CEMIP: variants seen among roughly 807,000 people sequenced by gnomAD.
CEMIP encodes the protein cell migration inducing hyaluronidase 1.
CEMIP carries 105 observed loss-of-function variants against 156.9 expected under a neutral mutation model. The observed-to-expected ratio is 0.67, with a 90% CI of 0.57 to 0.79. CEMIP has a LOEUF of 0.79. Among genes scored for constraint, CEMIP ranks in the 30% least tolerant of loss-of-function variants. The probability of loss-of-function intolerance (pLI) is 0.00; values close to 1 mark genes in which losing one functional copy is unlikely to be tolerated. For synonymous variants in CEMIP, 676 were observed against 668.4 expected (o/e 1.01, Z -0.17); for missense variants, 1,457 against 1,769.4 (o/e 0.82, Z 3.17).
chr15:80,875,002 A>G (rs1012602160), intron 3 of CEMIP, among the ~76,000 whole-genome samples: 2 of 137,486 alleles, frequency 1.5e-5, no homozygotes, highest in Admixed American at 1.5e-4. Context: ...TCTGATCCTT[A>G]GGGGACATAG....
At chr15:80,827,734 T>TAC (rs1427837128) in intron 1 of CEMIP, among the ~76,000 whole-genome samples, 2 of 152,188 alleles carry the variant, frequency 1.3e-5, no homozygotes, top group Admixed American at 1.3e-4. Flanking sequence ...AGGATGCATC[T>TAC]ACATACCTGA....
At chr15:80,833,687 T>A (rs1247010527) in intron 1 of CEMIP, among the ~76,000 whole-genome samples, 1 of 138,634 alleles carries the variant, frequency 7.2e-6, no homozygotes, top group Non-Finnish European at 1.6e-5. Context: ...TTTTTTTTTT[T>A]GGACAGAGTC....
intron 25 of CEMIP, among the ~76,000 whole-genome samples, chr15:80,938,852 C>T (rs149427059): frequency 2.0e-5 from 3 of 152,254 alleles, no homozygotes; most frequent in Non-Finnish European, 4.4e-5. Flanking sequence ...ACAGCAACGT[C>T]GATAGCAAAC....
At chr15:80,909,873 T>G (rs1254473248) in intron 14 of CEMIP, 1 of 336,752 alleles carries the variant, frequency 3.0e-6, no homozygotes, top group Non-Finnish European at 5.9e-6. Context: ...TTCTATCCTC[T>G]GTAAAGTTTA....
At chr15:80,874,106 G>A (rs922004413) in intron 3 of CEMIP, 133 bp downstream of exon 3, 25 of 799,198 alleles carry the variant, frequency 3.1e-5, no homozygotes, top group African/African-American at 2.0e-4. Context: ...GCCTTGGCCC[G>A]ACCTTACTAA....
intron 1 of CEMIP, among the ~76,000 whole-genome samples, chr15:80,840,605 C>T (rs548760944): frequency 6.6e-6 from 1 of 152,318 alleles, no homozygotes; most frequent in African/African-American, 2.4e-5. Flanking sequence ...AGTAAACAGG[C>T]CCGTGCAGGG....
chr15:80,890,505 C>T lies in CEMIP; in HGVS notation c.1086+913C>T, dbSNP rs115835677. Among the ~76,000 whole-genome samples the T allele has an allele frequency of 3.5e-3, 521 of 150,994 alleles. 2 individuals are homozygous for T. Among genetic ancestry groups the T allele is most frequent in the African/African-American group, 0.012 (500 of 41,054 alleles). Reference sequence around the variant, plus strand: ...CTCAGGGTCTGAGGCAGGAGAATTGCGTAAACAGGAGGTGGAGGTTGTGGT... The same window carrying T: ...CTCAGGGTCTGAGGCAGGAGAATTGTGTAAACAGGAGGTGGAGGTTGTGGT... On this transcript the variant is annotated intron_variant, in intron 10 of 29. Transcript: ENST00000394685.
chr15:80,783,550 G>C (rs1436283396), intron 1 of CEMIP, among the ~76,000 whole-genome samples: 1 of 152,156 alleles, frequency 6.6e-6, no homozygotes, highest in Non-Finnish European at 1.5e-5. Flanking sequence ...GGGTACTGGG[G>C]GAGACTTCTC....
At chr15:80,789,257 T>A (rs1231950261) in intron 1 of CEMIP, among the ~76,000 whole-genome samples, 1 of 152,124 alleles carries the variant, frequency 6.6e-6, no homozygotes, top group Non-Finnish European at 1.5e-5. Flanking sequence ...TGATTTGAAT[T>A]TGGGGTGTGG....
chr15:80,852,999 A>C (rs1035616961), intron 1 of CEMIP, among the ~76,000 whole-genome samples: 2 of 152,194 alleles, frequency 1.3e-5, no homozygotes, highest in South Asian at 4.1e-4. Flanking sequence ...CAGCCCTGGG[A>C]TACCAGGTGA....
intron 1 of CEMIP, among the ~76,000 whole-genome samples, chr15:80,866,592 A>AAAAT (rs3087304): frequency 0.16 from 20,852 of 130,026 alleles, 2,363 homozygotes; most frequent in East Asian, 0.44. Context: ...CTCTGTCTTA[A>AAAAT]AAATAAATAA....
At chr15:80,947,279 A>G in intron 29 of CEMIP, 1 of 528,356 alleles carries the variant, frequency 1.9e-6, no homozygotes, top group Non-Finnish European at 3.4e-6. Flanking sequence ...AATTTATTAT[A>G]ACTTGCCACC....
intron 1 of CEMIP, among the ~76,000 whole-genome samples, chr15:80,846,118 G>A (rs1196219948): frequency 6.6e-6 from 1 of 152,216 alleles, no homozygotes; most frequent in Non-Finnish European, 1.5e-5. Context: ...AGGTGGCAGA[G>A]GGAAGGGGAG....
At chr15:80,941,156 T>C (rs972632717) in intron 25 of CEMIP, among the ~76,000 whole-genome samples, 3 of 152,020 alleles carry the variant, frequency 2.0e-5, no homozygotes, top group Non-Finnish European at 2.9e-5. Flanking sequence ...CAGTGAAGGG[T>C]TGGTCCCCAG....
chr15:80,853,455 T>C (rs1283726524), intron 1 of CEMIP, among the ~76,000 whole-genome samples: 1 of 152,142 alleles, frequency 6.6e-6, no homozygotes, highest in Non-Finnish European at 1.5e-5. Context: ...AGCGTGACTC[T>C]AGGAGGTCCA....
At chr15:80,818,487 A>G (rs895376283) in intron 1 of CEMIP, among the ~76,000 whole-genome samples, 8 of 152,264 alleles carry the variant, frequency 5.3e-5, no homozygotes, top group Non-Finnish European at 1.2e-4. Flanking sequence ...GAAAGTACTT[A>G]GAATTAGCTC....
At position 80,906,919 on chromosome 15, in the gene CEMIP, A is replaced by T; in HGVS notation, c.1587+81A>T. 6.9e-7 allele frequency: 1 copy of T among 1,456,836 alleles called. No homozygotes were observed. Among genetic ancestry groups the T allele is most frequent in the Non-Finnish European group, 9.4e-7 (1 of 1,061,568 alleles). The allele number at this position is 1,456,836 out of a possible 1,614,324, so 90.2% of individuals were successfully genotyped here. On this transcript the variant is annotated intron_variant, in intron 13 of 29. Transcript: ENST00000394685. The surrounding 1 kb of genome is among the most constrained non-coding windows in gnomAD (Gnocchi z 4.3). Reference sequence around the variant, plus strand: ...CAGCCTCTAGACGGGCCTTCTTGGTAGGGATGAGGGTGGGGGAACAGGAGG... The same window carrying T: ...CAGCCTCTAGACGGGCCTTCTTGGTTGGGATGAGGGTGGGGGAACAGGAGG...
chr15:80,827,648 C>T (rs919306462), intron 1 of CEMIP, among the ~76,000 whole-genome samples: 10 of 152,150 alleles, frequency 6.6e-5, no homozygotes, highest in Admixed American at 1.3e-4. Context: ...AAAAAACTTC[C>T]CCCAGGAAAA....
At position 80,896,037 on chromosome 15, in the gene CEMIP, C is replaced by A; in HGVS notation, c.1388C>A (p.Ala463Asp). The A allele has an allele frequency of 6.2e-7, 1 of 1,614,086 alleles. No homozygotes were observed. Among genetic ancestry groups the A allele is most frequent in the Non-Finnish European group, 8.5e-7 (1 of 1,180,020 alleles). ...CAGGTGCTTCCCTGCAGATCCTGCG[C>A]CCCCAACCAGGTCAAAGTGGCAGGT... ...EFQVLPCRSC[A>D]PNQVKVAGKP... Residue 463 changes from alanine (A) to aspartate (D), a missense_variant, in exon 12 of 30, where the codon GCC becomes GAC. Ala to Asp is a moderately radical substitution (Grantham distance 126). Coordinates refer to ENST00000394685, the MANE Select transcript of CEMIP (RefSeq NM_001293298.2).
Sources: gnomAD v4.1 joint callset for allele counts (sites outside exome capture counted in the v4.1 genomes callset) on GRCh38, gnomAD v4.1.1 for gene constraint, Gnocchi (gnomAD v3.1) non-coding constraint, MANE v1.5 for transcripts, NCBI Gene and HGNC (gene_info 2026-07-23, HGNC 2026-07-21) for gene names.